The following CD59 variants were observed in gnomAD, a reference collection of about 807,000 sequenced individuals.
The protein encoded by CD59 is CD59 molecule (CD59 blood group), also known as CD59 glycoprotein.
A neutral mutation model predicts 7.0 loss-of-function variants in CD59; 3 were observed. The ratio of observed to expected loss-of-function variants is 0.43; its 90% confidence interval spans 0.19 to 1.10. The LOEUF is 1.10. Ranked by LOEUF, CD59 falls within the 50% of genes least tolerant of loss-of-function variation. The probability of loss-of-function intolerance (pLI) is 0.29; values close to 1 mark genes in which losing one functional copy is unlikely to be tolerated. For missense variants in CD59, 143 were observed against 151.0 expected (o/e 0.95, Z 0.28); for synonymous variants, 60 against 62.0 (o/e 0.97, Z 0.15).
chr11:33,717,299 A>G (rs1853837300), intron 3 of CD59, 71 bp downstream of exon 3: 1 of 892,524 alleles, frequency 1.1e-6, no homozygotes, highest in Non-Finnish European at 1.9e-6. Context: ...TGAGGATTAC[A>G]GTGGCACAAT....
At chr11:33,732,268 G>A (rs556573945) in intron 1 of CD59, among the ~76,000 whole-genome samples, 1 of 152,326 alleles carries the variant, frequency 6.6e-6, no homozygotes, top group African/African-American at 2.4e-5. Context: ...GAGGGACCTG[G>A]TGGGAGGTGA....
chr11:33,715,535 G>A (rs1320605715), intron 3 of CD59, among the ~76,000 whole-genome samples: 1 of 152,174 alleles, frequency 6.6e-6, no homozygotes, highest in Non-Finnish European at 1.5e-5. Context: ...TGGAGGCAGA[G>A]GTTGCAGTGA....
Position 33,710,046 on chromosome 11 carries a change from C to G in CD59, c.*80G>C, listed in dbSNP as rs897115390. 1.8e-6 allele frequency: 2 copies of G among 1,111,214 alleles called. No homozygotes were observed. Among genetic ancestry groups the G allele is most frequent in the East Asian group, 5.1e-5 (2 of 39,216 alleles). 68.8% of individuals were successfully genotyped at this position (1,111,214 alleles called of 1,614,324 possible). ...CCAACAGGATCCATTTGGAAAATAT[C>G]AAGCCTTTAGAATGTGGCAGCAAGA... On this transcript the variant is annotated 3_prime_UTR_variant, in exon 4 of 4. Coordinates refer to ENST00000642928, the MANE Select transcript of CD59 (RefSeq NM_000611.6).
chr11:33,711,720 A>G (rs1312180879), intron 3 of CD59, among the ~76,000 whole-genome samples: 1 of 152,218 alleles, frequency 6.6e-6, no homozygotes, highest in Admixed American at 6.5e-5. Flanking sequence ...CATTTCTCCA[A>G]AGAAGATTCT....
In CD59 at chr11:33,706,531, G is replaced by A. The variant is rs1490638121; in HGVS notation, c.*3595C>T. The A allele has an allele frequency of 3.5e-5, 5 of 143,020 alleles. No homozygotes were observed. The highest frequency in any genetic ancestry group is 7.5e-5 in the Non-Finnish European group (5 of 66,252). The allele number at this position is 143,020 out of a possible 1,614,324, so 8.9% of individuals were successfully genotyped here. The stretch of plus-strand genomic sequence containing the variant: ...CAATTCTTTGAGGTAGACATAGAAA[G>A]TGAAAGTTCAGAAAGGGTTTAAAAA... On this transcript the variant is annotated 3_prime_UTR_variant, in exon 4 of 4. Coordinates refer to ENST00000642928, the MANE Select transcript of CD59 (RefSeq NM_000611.6).
chr11:33,733,648 T>C (rs1295133870), intron 1 of CD59: 3 of 152,136 alleles, frequency 2.0e-5, no homozygotes, highest in African/African-American at 7.2e-5. Context: ...TTAAAATTAT[T>C]ATAGCAACCT....
At chr11:33,710,456 A>AAG (rs1853494541) in intron 3 of CD59, 113 bp from the exon 4 acceptor site, 1 of 821,534 alleles carries the variant, frequency 1.2e-6, no homozygotes, top group Non-Finnish European at 2.1e-6. Context: ...ACTTCTAGGC[A>AAG]AGATGCTCAT....
chr11:33,717,212 A>T (rs1354458702), intron 3 of CD59, among the ~76,000 whole-genome samples, 158 bp downstream of exon 3: 3 of 152,256 alleles, frequency 2.0e-5, no homozygotes, highest in Admixed American at 6.5e-5. Context: ...ATTAAATTTA[A>T]AATGTATGAA....
intron 1 of CD59, among the ~76,000 whole-genome samples, chr11:33,724,086 G>A (rs1041041496): frequency 5.3e-5 from 8 of 152,202 alleles, no homozygotes; most frequent in African/African-American, 1.9e-4. Flanking sequence ...TCCAGCCTGG[G>A]TGACACAGCA....
chr11:33,722,461 A>G lies in CD59; in HGVS notation c.-16T>C, dbSNP rs754137977. On this transcript the variant is annotated splice_region_variant and 5_prime_UTR_variant, in exon 2 of 4. Transcript: ENST00000642928. ...GGATTCCCATTGTGATTGTCCACAG[A>G]ACCTGGAAGGAAGGGACAGGAAGGA... 6 of 1,613,872 alleles carry G rather than the reference A, an allele frequency of 3.7e-6. No homozygotes were observed. In the South Asian group the frequency reaches 5.5e-5, roughly 15 times the overall value.
chr11:33,735,485 T>TA (rs1241093231), intron 1 of CD59, among the ~76,000 whole-genome samples: 13 of 152,320 alleles, frequency 8.5e-5, no homozygotes, highest in African/African-American at 2.9e-4. Context: ...GCCCAGGCAG[T>TA]AGGGCAATGG....
chr11:33,704,943 GGGTGCA>G lies in CD59; in HGVS notation c.*5177_*5182del, dbSNP rs1287639334. ...AACCATTGTGTTGGTCTGGACTTGGGGGTGCAGGCATTCCCATCTCCCTTTCAAAAA... is the reference window on the plus strand; with the variant it reads ...AACCATTGTGTTGGTCTGGACTTGGGGGCATTCCCATCTCCCTTTCAAAAA... On this transcript the variant is annotated 3_prime_UTR_variant, in exon 4 of 4. Transcript: ENST00000642928. 1 of 152,402 alleles carries G rather than the reference GGGTGCA, an allele frequency of 6.6e-6. No homozygotes were observed. The highest frequency in any genetic ancestry group is 2.4e-5 in the African/African-American group (1 of 41,398). The allele number at this position is 152,402 out of a possible 1,614,324, so 9.4% of individuals were successfully genotyped here.
chr11:33,725,418 C>T (rs1292616583), intron 1 of CD59, among the ~76,000 whole-genome samples: 2 of 152,112 alleles, frequency 1.3e-5, no homozygotes, highest in Admixed American at 6.5e-5. Context: ...CAACACTCAA[C>T]TCCTTTCCAA....
At chr11:33,710,491 A>G in intron 3 of CD59, 148 bp from the exon 4 acceptor site, 1 of 698,860 alleles carries the variant, frequency 1.4e-6, no homozygotes, top group South Asian at 1.6e-5. Flanking sequence ...AAAGGAGAAC[A>G]ATTAAGTAAA....
intron 2 of CD59, among the ~76,000 whole-genome samples, chr11:33,719,949 GTGT>G (rs1476060068): frequency 1.3e-5 from 2 of 152,258 alleles, no homozygotes; most frequent in African/African-American, 4.8e-5. Flanking sequence ...AAGATGAAGG[GTGT>G]TGTTCTTGAG....
Position 33,710,069 on chromosome 11 carries a change from A to G in CD59, c.*57T>C. 3.9e-6 allele frequency: 5 copies of G among 1,294,174 alleles called. No homozygotes were observed. Among genetic ancestry groups the G allele is most frequent in the Non-Finnish European group, 5.5e-6 (5 of 905,022 alleles). 80.2% of individuals were successfully genotyped at this position (1,294,174 alleles called of 1,614,324 possible). The stretch of plus-strand genomic sequence containing the variant: ...ATCAAGCCTTTAGAATGTGGCAGCA[A>G]GAGAAAGCGGACTACGCAGGAACGG... On this transcript the variant is annotated 3_prime_UTR_variant, in exon 4 of 4. Transcript: ENST00000642928.
At chr11:33,724,257 C>T (rs1257274373) in intron 1 of CD59, among the ~76,000 whole-genome samples, 3 of 152,216 alleles carry the variant, frequency 2.0e-5, no homozygotes, top group African/African-American at 7.2e-5. Flanking sequence ...TTGGAATGGT[C>T]CTTGACATAA....
At chr11:33,729,456 G>A (rs1854350552) in intron 1 of CD59, among the ~76,000 whole-genome samples, 2 of 151,844 alleles carry the variant, frequency 1.3e-5, no homozygotes, top group African/African-American at 4.8e-5. Context: ...TTGTCAGTGG[G>A]AGTTAAACAA....
Position 33,703,059 on chromosome 11 carries a change from A to G in CD59, c.*7067T>C, listed in dbSNP as rs1336349830. ...TATATTTTTTAAATGAAGCAATACA[A>G]TCATTTTTTATGTATATATCTAGTT... On this transcript the variant is annotated 3_prime_UTR_variant, in exon 4 of 4. Transcript: ENST00000642928. 6.6e-6 allele frequency: 1 copy of G among 152,272 alleles called. No individual in the cohort carries two copies. The highest frequency in any genetic ancestry group is 1.5e-5 in the Non-Finnish European group (1 of 68,082). The allele number at this position is 152,272 out of a possible 1,614,324, so 9.4% of individuals were successfully genotyped here.
Sources: allele counts gnomAD v4.1 joint callset (sites outside exome capture counted in the v4.1 genomes callset), GRCh38; gene constraint gnomAD v4.1.1; transcripts MANE v1.5; gene names NCBI Gene and HGNC (gene_info 2026-07-23, HGNC 2026-07-21).